Variants in LBHD1 observed in about 807,000 individuals in gnomAD.
The protein encoded by LBHD1 is LBH domain containing 1.
LBHD1 carries 28 observed loss-of-function variants against 31.1 expected under a neutral mutation model. That is an observed-to-expected ratio of 0.90 (90% CI 0.67 to 1.24). The LOEUF (loss-of-function observed/expected upper bound fraction) is 1.24, where lower values mean the gene tolerates loss of function less well. Ranked by LOEUF, LBHD1 falls within the 50% of genes most tolerant of loss-of-function variation. LBHD1 has a pLI of 0.00. For synonymous variants in LBHD1, 105 were observed against 116.5 expected (o/e 0.90, Z 0.63); for missense variants, 350 against 323.0 (o/e 1.08, Z -0.64).
Position 62,666,325 on chromosome 11 carries a change from G to A in LBHD1, c.538+1198C>T, listed in dbSNP as rs531793220. ...ACCCTGTCTCAAAAAAAAAAAAGACGCCAGTGTGTATATACGACGTTTTTG... is the reference window on the plus strand; with the variant it reads ...ACCCTGTCTCAAAAAAAAAAAAGACACCAGTGTGTATATACGACGTTTTTG... On this transcript the variant is annotated intron_variant, in intron 4 of 6. Transcript: ENST00000354588. 4,113 of 1,468,858 alleles carry A rather than the reference G, an allele frequency of 2.8e-3. 132 individuals are homozygous for A. In the South Asian group the frequency reaches 0.046, roughly 17 times the overall value. The allele number at this position is 1,468,858 out of a possible 1,614,324, so 91.0% of individuals were successfully genotyped here. A position where few individuals can be genotyped will look rare whatever the true frequency, so the allele number is the denominator to read the frequency against.
chr11:62,664,218 C>T (rs1329714269), intron 5 of LBHD1, among the ~76,000 whole-genome samples: 2 of 151,026 alleles, frequency 1.3e-5, no homozygotes, highest in African/African-American at 2.4e-5. Flanking sequence ...GAGTTTTATG[C>T]GCCTATGTGT....
chr11:62,665,425 C>T lies in LBHD1; in HGVS notation c.539-452G>A, dbSNP rs763307009. 8.5e-6 allele frequency: 13 copies of T among 1,523,702 alleles called. No homozygotes were observed. In the African/African-American group the frequency reaches 1.1e-4, roughly 13 times the overall value. The allele number at this position is 1,523,702 out of a possible 1,614,324, so 94.4% of individuals were successfully genotyped here. ...GCTCTGGGCGGGGTCTCAGGACCCT[C>T]CTTTTCTTGGCGGGGATCGGGCTTG... On this transcript the variant is annotated intron_variant, in intron 4 of 6. Coordinates refer to ENST00000354588, the MANE Select transcript of LBHD1 (RefSeq NM_024099.5).
intron 1 of LBHD1, 149 bp from the exon 2 acceptor site, chr11:62,670,190 A>C: frequency 1.3e-6 from 1 of 776,454 alleles, no homozygotes; most frequent in South Asian, 2.0e-5. Flanking sequence ...GAAAATGCCC[A>C]AGAGGTGAGA....
At chr11:62,667,046 CATT>C in intron 4 of LBHD1, 1 of 1,593,762 alleles carries the variant, frequency 6.3e-7, no homozygotes, top group South Asian at 1.1e-5. Flanking sequence ...TCAAGGCTCT[CATT>C]AAAGACATTT....
chr11:62,666,171 G>C, intron 4 of LBHD1: 5 of 701,036 alleles, frequency 7.1e-6, no homozygotes, highest in Non-Finnish European at 9.4e-6. Context: ...AACATAGCGA[G>C]ACCCTGTCTA....
In LBHD1 at chr11:62,671,906, G is replaced by T. The variant is rs376254560; in HGVS notation, c.-353C>A. The T allele has an allele frequency of 1.9e-5, 31 of 1,613,208 alleles. No individual in the cohort carries two copies. The highest frequency in any genetic ancestry group is 1.6e-4 in the East Asian group (7 of 44,872). ...AGTCCCGAGGAAGGGTGGGCGGGTGGAGAGCCCCGGACTGGAGCTCCTGCG... is the reference window on the plus strand; with the variant it reads ...AGTCCCGAGGAAGGGTGGGCGGGTGTAGAGCCCCGGACTGGAGCTCCTGCG... On this transcript the variant is annotated 5_prime_UTR_variant, in exon 1 of 7. Coordinates refer to ENST00000354588, the MANE Select transcript of LBHD1 (RefSeq NM_024099.5).
chr11:62,665,172 T>C lies in LBHD1; in HGVS notation c.539-199A>G, dbSNP rs765821978. 7.0e-6 allele frequency: 6 copies of C among 860,200 alleles called. No homozygotes were observed. The South Asian group carries it at 7.1e-5, about 10-fold the overall frequency. The allele number at this position is 860,200 out of a possible 1,614,324, so 53.3% of individuals were successfully genotyped here. A position where few individuals can be genotyped will look rare whatever the true frequency, so the allele number is the denominator to read the frequency against. ...ATCTTTCCCCCCGGAGCTCCCATAG[T>C]CGCGATTCCACTCCAGTTCACGGTC... On this transcript the variant is annotated intron_variant, in intron 4 of 6. Coordinates refer to ENST00000354588, the MANE Select transcript of LBHD1 (RefSeq NM_024099.5).
Position 62,669,680 on chromosome 11 carries a change from C to G in LBHD1, c.274G>C (p.Asp92His). The change falls in exon 3 of 7, where the codon GAT (aspartate) becomes CAT (histidine). Residue 92 changes from aspartate to histidine, a missense_variant. Asp to His is a moderately conservative substitution (Grantham distance 81). Coordinates refer to ENST00000354588, the MANE Select transcript of LBHD1 (RefSeq NM_024099.5). ...LLLLTDGEEE[D>H]AEAFFQDQSE... is the part of the protein sequence containing the mutation. ...TGGTCTTGGAAGAAGGCCTCAGCAT[C>G]CTCTTCCTCACCATCAGTGAGCAGC... The G allele has an allele frequency of 1.2e-6, 2 of 1,614,176 alleles. No individual in the cohort carries two copies. Among genetic ancestry groups the G allele is most frequent in the Non-Finnish European group, 1.7e-6 (2 of 1,180,022 alleles).
At chr11:62,671,412 G>A (rs1333252382) in intron 1 of LBHD1, 152 bp downstream of exon 1, 2 of 1,265,050 alleles carry the variant, frequency 1.6e-6, no homozygotes, top group African/African-American at 1.5e-5. Context: ...AACGTCGGAA[G>A]ACAGAAAAAT....
intron 5 of LBHD1, 88 bp from the exon 6 acceptor site, chr11:62,663,421 A>C (rs1187088458): frequency 7.1e-7 from 1 of 1,401,592 alleles, no homozygotes; most frequent in East Asian, 2.3e-5. Flanking sequence ...AAAAGTATTA[A>C]ATAGGCTGGG....
rs199556999 is a variant in LBHD1, at chr11:62,669,778, G to A, written c.176C>T (p.Pro59Leu). The A allele has an allele frequency of 2.2e-5, 36 of 1,614,176 alleles. No individual in the cohort carries two copies. The Admixed American group carries it at 4.0e-4, about 18-fold the overall frequency. Residue 59 changes from proline (P) to leucine (L), a missense_variant, in exon 3 of 7, where the codon CCG becomes CTG. Transcript: ENST00000354588. ...CTCACTGGATTCCACCACAATAGAC[G>A]GCAGATGGGACTTTTGAGAGAAATC... Reference protein sequence around the residue: ...IQDFSQKSHLPSIVVESSEVN... With the variant: ...IQDFSQKSHLLSIVVESSEVN...
chr11:62,665,867 C>T (rs767605267), intron 4 of LBHD1: 64 of 1,612,460 alleles, frequency 4.0e-5, no homozygotes, highest in Non-Finnish European at 5.0e-5. Flanking sequence ...GTCGAACTTA[C>T]CCGAATCTCC....
At chr11:62,666,113 C>T (rs774275527) in intron 4 of LBHD1, 6 of 853,434 alleles carry the variant, frequency 7.0e-6, no homozygotes, top group South Asian at 1.7e-5. Flanking sequence ...TTTGCCAGGC[C>T]GAGGCGGGCA....
rs973849002 is a variant in LBHD1 at position 62,670,891 on chromosome 11, C to T, written c.-11+673G>A. ...ACGCCACTGCACTCCAGCTGGGCAA[C>T]AGAGTGAGACTCTGTCTCAAAAAGC... On this transcript the variant is annotated intron_variant, in intron 1 of 6. Coordinates refer to ENST00000354588, the MANE Select transcript of LBHD1 (RefSeq NM_024099.5). The T allele has an allele frequency of 3.0e-5, 5 of 168,062 alleles. No homozygotes were observed. The South Asian group carries it at 4.8e-4, about 16-fold the overall frequency. 10.4% of individuals were successfully genotyped at this position (168,062 alleles called of 1,614,324 possible). A position where few individuals can be genotyped will look rare whatever the true frequency, so the allele number is the denominator to read the frequency against.
At chr11:62,663,489 G>A (rs1030186377) in intron 5 of LBHD1, among the ~76,000 whole-genome samples, 156 bp from the exon 6 acceptor site, 4 of 151,920 alleles carry the variant, frequency 2.6e-5, no homozygotes, top group Non-Finnish European at 4.4e-5. Flanking sequence ...GCTGGATCAC[G>A]AGGTCAGGAG....
Position 62,671,889 on chromosome 11 carries a change from G to A in LBHD1, c.-336C>T, listed in dbSNP as rs1944952461. 15 of 1,613,818 alleles carry A rather than the reference G, an allele frequency of 9.3e-6. No homozygotes were observed. Among genetic ancestry groups the A allele is most frequent in the Non-Finnish European group, 1.3e-5 (15 of 1,179,796 alleles). ...AGGTAGAAGCAACTGGTAGTCCCGA[G>A]GAAGGGTGGGCGGGTGGAGAGCCCC... is the stretch of plus-strand genomic sequence containing the variant. On this transcript the variant is annotated 5_prime_UTR_variant, in exon 1 of 7. Coordinates refer to ENST00000354588, the MANE Select transcript of LBHD1 (RefSeq NM_024099.5).
Position 62,667,504 on chromosome 11 carries a change from G to A in LBHD1, c.538+19C>T, listed in dbSNP as rs1944851682. The A allele has an allele frequency of 1.9e-6, 3 of 1,601,778 alleles. No homozygotes were observed. The highest frequency in any genetic ancestry group is 2.6e-6 in the Non-Finnish European group (3 of 1,168,880). On this transcript the variant is annotated intron_variant, in intron 4 of 6. Transcript: ENST00000354588. ...ATAAACCTGGATGAGATATTTGAGG[G>A]GGAGGGAACAATACTTACCCTCAAA...
rs1224474860 is a variant in LBHD1 at position 62,671,910 on chromosome 11, G to T, written c.-357C>A. On this transcript the variant is annotated 5_prime_UTR_variant, in exon 1 of 7. Coordinates refer to ENST00000354588, the MANE Select transcript of LBHD1 (RefSeq NM_024099.5). ...CCGAGGAAGGGTGGGCGGGTGGAGAGCCCCGGACTGGAGCTCCTGCGAACT... is the reference window on the plus strand; with the variant it reads ...CCGAGGAAGGGTGGGCGGGTGGAGATCCCCGGACTGGAGCTCCTGCGAACT... 30 of 1,613,218 alleles carry T rather than the reference G, an allele frequency of 1.9e-5. No homozygotes were observed. The highest frequency in any genetic ancestry group is 2.3e-5 in the Non-Finnish European group (27 of 1,179,478).
chr11:62,667,147 G>T, intron 4 of LBHD1: 1 of 1,302,666 alleles, frequency 7.7e-7, no homozygotes, highest in Non-Finnish European at 1.1e-6. Flanking sequence ...GTGAGAATTT[G>T]AGTCCTGGCT....
Sources: gnomAD v4.1 joint callset for allele counts (sites outside exome capture counted in the v4.1 genomes callset) on GRCh38, gnomAD v4.1.1 for gene constraint, MANE v1.5 for transcripts, NCBI Gene and HGNC (gene_info 2026-07-23, HGNC 2026-07-21) for gene names.